The following ARHGAP26 variants were observed in gnomAD, a reference collection of about 807,000 sequenced individuals.
ARHGAP26 encodes the protein rho GTPase-activating protein 26.
In ARHGAP26, 38 loss-of-function variants were observed where a neutral mutation model predicts 104.8. The ratio of observed to expected loss-of-function variants is 0.36; its 90% CI spans 0.28 to 0.48. The LOEUF is 0.48. ARHGAP26 is among the 20% of genes least tolerant of loss of function. The pLI, the probability that ARHGAP26 is intolerant of heterozygous loss-of-function variation, is 0.99. For missense variants in ARHGAP26, 704 were observed against 947.9 expected, an observed-to-expected ratio of 0.74 and a Z score of 3.38; for synonymous variants, 341 against 340.0, an observed-to-expected ratio of 1.00 and a Z score of -0.03.
rs114544220 is a variant in ARHGAP26, at chr5:142,843,066, G to A, written c.155-30334G>A. 6.2e-3 allele frequency among the ~76,000 whole-genome samples: 947 copies of A among 152,184 alleles called. 5 individuals are homozygous for A. The highest frequency in any genetic ancestry group is 0.01 in the Middle Eastern group (3 of 294). Reference sequence around the variant, plus strand: ...TCTGGCTCAGAGGTGGACCTACCCCGCCTTTGGCAACTTCTTATACTTATT... The same window carrying A: ...TCTGGCTCAGAGGTGGACCTACCCCACCTTTGGCAACTTCTTATACTTATT... On this transcript the variant is annotated intron_variant, in intron 1 of 22. Transcript: ENST00000645722.
At chr5:142,977,573 TG>T (rs1415385929) in intron 11 of ARHGAP26, among the ~76,000 whole-genome samples, 1 of 152,184 alleles carries the variant, frequency 6.6e-6, no homozygotes, top group Non-Finnish European at 1.5e-5. Flanking sequence ...TTTGGACATT[TG>T]CCTCCAGTCT....
intron 14 of ARHGAP26, among the ~76,000 whole-genome samples, chr5:143,045,723 T>C (rs2578598): frequency 0.49 from 74,632 of 152,038 alleles, 22,656 homozygotes; most frequent in African/African-American, 0.85. Flanking sequence ...GCTGGTCAGG[T>C]GCGGTGGCTC....
At chr5:142,791,881 T>G (rs1031242577) in intron 1 of ARHGAP26, among the ~76,000 whole-genome samples, 5 of 148,534 alleles carry the variant, frequency 3.4e-5, no homozygotes, top group African/African-American at 1.3e-4. Flanking sequence ...CGAGAATCGC[T>G]TGAACCCGGG....
intron 17 of ARHGAP26, chr5:143,058,086 G>C (rs780898983): frequency 1.2e-5 from 6 of 503,444 alleles, no homozygotes; most frequent in South Asian, 1.1e-4. Context: ...ATGTTCTTAT[G>C]CTCATCAAGA....
intron 20 of ARHGAP26, among the ~76,000 whole-genome samples, chr5:143,179,260 G>A (rs1803955182): frequency 6.6e-6 from 1 of 152,200 alleles, no homozygotes. Context: ...GGGCTGGCAT[G>A]AGGGCTTATT....
At chr5:142,972,751 C>T (rs1772467088) in intron 11 of ARHGAP26, among the ~76,000 whole-genome samples, 2 of 152,054 alleles carry the variant, frequency 1.3e-5, no homozygotes, top group South Asian at 4.2e-4. Context: ...CTTACTCATC[C>T]TATATATTTG....
chr5:142,951,534 A>G (rs187185049), intron 11 of ARHGAP26, among the ~76,000 whole-genome samples: 3 of 152,324 alleles, frequency 2.0e-5, no homozygotes, highest in Admixed American at 2.0e-4. Flanking sequence ...GGTCTAATCT[A>G]GTCAGACTTT....
chr5:142,786,514 G>C (rs1165602401), intron 1 of ARHGAP26, among the ~76,000 whole-genome samples: 1 of 151,990 alleles, frequency 6.6e-6, no homozygotes, highest in Non-Finnish European at 1.5e-5. Flanking sequence ...GCTCAGGCTG[G>C]TCTCAAATTC....
chr5:143,220,166 C>A (rs1324340941), intron 22 of ARHGAP26, among the ~76,000 whole-genome samples: 1 of 152,128 alleles, frequency 6.6e-6, no homozygotes, highest in Non-Finnish European at 1.5e-5. Flanking sequence ...AGCGGGAGGG[C>A]CTGGTTTTTG....
chr5:142,958,861 G>A (rs1382322093), intron 11 of ARHGAP26, among the ~76,000 whole-genome samples: 1 of 149,430 alleles, frequency 6.7e-6, no homozygotes, highest in Non-Finnish European at 1.5e-5. Flanking sequence ...TTGAAGCCAG[G>A]AGTTTGAGAC....
In ARHGAP26 at chr5:142,770,703, G is replaced by A. The variant is rs1597540144; in HGVS notation, c.-59G>A. The A allele has an allele frequency of 9.1e-7, 1 of 1,095,542 alleles. No homozygotes were observed. The highest frequency in any genetic ancestry group is 1.1e-6 in the Non-Finnish European group (1 of 895,984). The allele number at this position is 1,095,542 out of a possible 1,614,324, so 67.9% of individuals were successfully genotyped here. On this transcript the variant is annotated 5_prime_UTR_variant, in exon 1 of 23. Coordinates refer to ENST00000645722, the MANE Select transcript of ARHGAP26 (RefSeq NM_001135608.3). ...GGGTCCCGCCGCGTGAGTGCTCTGG[G>A]CGGCGGGCGGCCCGGGCCCCGGCGG... is the stretch of plus-strand genomic sequence containing the variant.
chr5:143,000,373 G>A (rs566620575), intron 11 of ARHGAP26, among the ~76,000 whole-genome samples: 3 of 152,152 alleles, frequency 2.0e-5, no homozygotes, highest in Non-Finnish European at 2.9e-5. Context: ...GAACCACCTA[G>A]GTGTCCATCA....
intron 2 of ARHGAP26, among the ~76,000 whole-genome samples, chr5:142,874,531 T>C (rs1022717202): frequency 1.3e-5 from 2 of 152,202 alleles, no homozygotes; most frequent in East Asian, 3.8e-4. Context: ...TCAGGGCCAT[T>C]GCACGTAATG....
intron 18 of ARHGAP26, among the ~76,000 whole-genome samples, chr5:143,129,607 T>C (rs934984577): frequency 6.6e-6 from 1 of 152,230 alleles, no homozygotes; most frequent in Admixed American, 6.5e-5. Context: ...TATGTGACCT[T>C]GGACAAATCA....
intron 11 of ARHGAP26, among the ~76,000 whole-genome samples, chr5:143,008,733 T>C (rs757955403): frequency 1.3e-5 from 2 of 152,262 alleles, no homozygotes; most frequent in Non-Finnish European, 2.9e-5. Context: ...TAGATTGTTT[T>C]GTCAAATTTT....
At chr5:142,936,845 T>G (rs899579648) in intron 11 of ARHGAP26, among the ~76,000 whole-genome samples, 1 of 151,062 alleles carries the variant, frequency 6.6e-6, no homozygotes, top group Non-Finnish European at 1.5e-5. Flanking sequence ...AAGCCTTGAC[T>G]TAAACCTCAT....
intron 11 of ARHGAP26, among the ~76,000 whole-genome samples, chr5:142,945,138 C>T (rs895118024): frequency 6.6e-6 from 1 of 152,160 alleles, no homozygotes; most frequent in South Asian, 2.1e-4. Context: ...TTCTAACTCC[C>T]GAGTAGAAAG....
intron 11 of ARHGAP26, among the ~76,000 whole-genome samples, chr5:142,959,775 C>A (rs1316862350): frequency 3.3e-5 from 5 of 152,234 alleles, no homozygotes; most frequent in Non-Finnish European, 5.9e-5. Context: ...ATCTGCAAAA[C>A]CCCTTCACAG....
intron 18 of ARHGAP26, among the ~76,000 whole-genome samples, chr5:143,125,348 A>G (rs1796608447): frequency 6.6e-6 from 1 of 152,190 alleles, no homozygotes; most frequent in Non-Finnish European, 1.5e-5. Context: ...TCAAGATAGT[A>G]CCTGCAAGTC....
Sources: gnomAD v4.1 joint callset for allele counts (sites outside exome capture counted in the v4.1 genomes callset) on GRCh38, gnomAD v4.1.1 for gene constraint, MANE v1.5 for transcripts, NCBI Gene and HGNC (gene_info 2026-07-23, HGNC 2026-07-21) for gene names.